The following SOHLH1 variants were observed in gnomAD, a reference collection of about 807,000 sequenced individuals.
SOHLH1 encodes spermatogenesis- and oogenesis-specific basic helix-loop-helix-containing protein 1.
Under a neutral mutation model 36.2 loss-of-function variants are expected in SOHLH1, and 23 were observed. The observed-to-expected ratio is 0.64, with a 90% CI of 0.46 to 0.90. The LOEUF is 0.90. SOHLH1 is among the 40% of genes least tolerant of loss of function. The pLI is 0.00. For missense variants in SOHLH1, 608 were observed against 517.0 expected (o/e 1.18, Z -1.71); for synonymous variants, 289 against 228.3 (o/e 1.27, Z -2.40).
rs1036970694 is a variant in SOHLH1 at position 135,695,201 on chromosome 9, G to A, written c.724C>T (p.Leu242=). Residue 242 remains leucine, a synonymous_variant, in exon 6 of 8, where the codon CTG becomes TTG. Coordinates refer to ENST00000425225, the MANE Select transcript of SOHLH1 (RefSeq NM_001101677.2). ...RSLPKAVRPP[L]SWPPFSQQQT... is the part of the protein sequence containing the mutation. ...TGCTGCGAGAACGGAGGCCAGGACA[G>A]GGGTGGCCTCACAGCCTTAGGAAGA... 5 of 1,605,244 alleles carry A rather than the reference G, an allele frequency of 3.1e-6. No individual in the cohort carries two copies. Among genetic ancestry groups the A allele is most frequent in the African/African-American group, 2.7e-5 (2 of 74,896 alleles).
At chr9:135,693,894 G>A in intron 7 of SOHLH1, 80 bp from the exon 8 acceptor site, 16 of 1,492,970 alleles carry the variant, frequency 1.1e-5, no homozygotes, top group Non-Finnish European at 1.3e-5. Context: ...CGGAGGAACA[G>A]AGCTCCCACC....
upstream of SOHLH1, among the ~76,000 whole-genome samples, chr9:135,701,165 C>T (rs1424057456): frequency 6.6e-6 from 1 of 152,326 alleles, no homozygotes; most frequent in Non-Finnish European, 1.5e-5. Context: ...AGCTGTGTGG[C>T]GGGGGCACAG....
upstream of SOHLH1, among the ~76,000 whole-genome samples, chr9:135,700,189 G>A (rs1834982955): frequency 6.6e-6 from 1 of 152,140 alleles, no homozygotes; most frequent in Non-Finnish European, 1.5e-5. Flanking sequence ...ATGCCCTGGG[G>A]CCCCAGCTCG....
rs1325354468 is a variant in SOHLH1, at chr9:135,695,220, A to G, written c.705T>C (p.Pro235=). ...AGGACAGGGGTGGCCTCACAGCCTT[A>G]GGAAGACTCCGGCCTGGGGGCCACG... ...LVPWPPGRSL[P]KAVRPPLSWP... Residue 235 remains proline (P), a synonymous_variant, in exon 6 of 8, where the codon CCT becomes CCC. Transcript: ENST00000425225. 1 of 1,605,264 alleles carries G rather than the reference A, an allele frequency of 6.2e-7. No homozygotes were observed. The highest frequency in any genetic ancestry group is 1.7e-5 in the Admixed American group (1 of 58,806).
chr9:135,694,589 C>T (rs1588229489), intron 6 of SOHLH1, 132 bp from the exon 7 acceptor site: 1 of 1,310,848 alleles, frequency 7.6e-7, no homozygotes, highest in Non-Finnish European at 1.1e-6. Flanking sequence ...TGACAGGCTC[C>T]ACCCTGCCCA....
At position 135,696,622 on chromosome 9, in the gene SOHLH1, G is replaced by A. The variant is rs758671144; in HGVS notation, c.651C>T (p.Pro217=). The A allele has an allele frequency of 4.3e-6, 7 of 1,612,222 alleles. No individual in the cohort carries two copies. The highest frequency in any genetic ancestry group is 5.9e-6 in the Non-Finnish European group (7 of 1,179,708). Residue 217 remains proline, a synonymous_variant, in exon 5 of 8, where the codon CCC becomes CCT. Transcript: ENST00000425225. ...ACACCCAGGACTCACCTGAGAAAGG[G>A]GGCAGCCCACCCCGCACCTGGCACA... ...LGLCQVRGGL[P]PFSEPSSLVP...
In SOHLH1 at chr9:135,698,977, G is replaced by C; in HGVS notation, c.197+18C>G. 3 of 1,611,268 alleles carry C rather than the reference G, an allele frequency of 1.9e-6. No individual in the cohort carries two copies. The highest frequency in any genetic ancestry group is 2.5e-6 in the Non-Finnish European group (3 of 1,179,738). On this transcript the variant is annotated intron_variant, in intron 2 of 7. Coordinates refer to ENST00000425225, the MANE Select transcript of SOHLH1 (RefSeq NM_001101677.2). The stretch of plus-strand genomic sequence containing the variant: ...CCCCTTTACAGCGCCCTCACCCCTG[G>C]GAGGCACCACCACTCACCTGCGCTC...
At chr9:135,696,471 A>G (rs1397467752) in intron 5 of SOHLH1, 141 bp downstream of exon 5, 2 of 951,690 alleles carry the variant, frequency 2.1e-6, no homozygotes, top group East Asian at 5.3e-5. Context: ...ATCCCTCAAC[A>G]CGTGGGTTTC....
At chr9:135,699,494 C>T (rs375000520), upstream of SOHLH1, 9 of 1,606,606 alleles carry the variant, frequency 5.6e-6, no homozygotes, top group East Asian at 2.2e-5. Flanking sequence ...AGCGACCCCA[C>T]GCGCACGGCC....
At chr9:135,694,758 A>G (rs1230899994) in intron 6 of SOHLH1, among the ~76,000 whole-genome samples, 1 of 33,384 alleles carries the variant, frequency 3.0e-5, no homozygotes, top group Non-Finnish European at 6.0e-5. Context: ...CCCACACCCC[A>G]GCTGGTATGT....
chr9:135,694,057 C>G, intron 7 of SOHLH1: 1 of 1,426,472 alleles, frequency 7.0e-7, no homozygotes, highest in Non-Finnish European at 9.1e-7. Flanking sequence ...GGACACACGC[C>G]ATGTCACAGG....
rs1834683985 is a variant in SOHLH1, at chr9:135,693,783, A to G, written c.978T>C (p.Pro326=). The G allele has an allele frequency of 2.5e-6, 4 of 1,580,640 alleles. No individual in the cohort carries two copies. The highest frequency in any genetic ancestry group is 3.4e-6 in the Non-Finnish European group (4 of 1,163,776). The change falls in exon 8 of 8, where the codon CCT becomes CCC. Residue 326 remains proline, a synonymous_variant. Transcript: ENST00000425225. ...GSLEGRGGSG[P]AWAPAESSPL... is the part of the protein sequence containing the mutation. ...GACTGCTCTCAGCTGGGGCCCATGC[A>G]GGGCCACTGCCTCCTCGACCCTCCA...
At position 135,694,292 on chromosome 9, in the gene SOHLH1, GC is replaced by G. The variant is rs1834703088; in HGVS notation, c.946+94del. 9.4e-6 allele frequency: 15 copies of G among 1,592,764 alleles called. No individual in the cohort carries two copies. In the East Asian group the frequency reaches 2.0e-4, roughly 22 times the overall value. ...CGGGGGCTCAGACACAGACCCTGGGGCCCCCTGACACACGCTAGGCCTGAGT... is the reference window on the plus strand; with the variant it reads ...CGGGGGCTCAGACACAGACCCTGGGGCCCCTGACACACGCTAGGCCTGAGT... On this transcript the variant is annotated intron_variant, in intron 7 of 7. Coordinates refer to ENST00000425225, the MANE Select transcript of SOHLH1 (RefSeq NM_001101677.2).
At chr9:135,699,648 C>T, upstream of SOHLH1, 3 of 669,964 alleles carry the variant, frequency 4.5e-6, no homozygotes, top group Non-Finnish European at 8.0e-6. Flanking sequence ...CCGGGGCCCA[C>T]GTGACCCGCG....
In SOHLH1 at chr9:135,693,767, C is replaced by T; in HGVS notation, c.994G>A (p.Glu332Lys). The T allele has an allele frequency of 6.3e-7, 1 of 1,581,630 alleles. No individual in the cohort carries two copies. Residue 332 changes from glutamate (E) to lysine (K), a missense_variant, in exon 8 of 8, where the codon GAG (glutamate) becomes AAG (lysine). By Grantham distance (56) the Glu-to-Lys change is moderately conservative (BLOSUM62 1). Coordinates refer to ENST00000425225, the MANE Select transcript of SOHLH1 (RefSeq NM_001101677.2). ...GGSGPAWAPA[E>K]SSPLDVGEPG... ...TCTCCAACATCCAGTGGACTGCTCT[C>T]AGCTGGGGCCCATGCAGGGCCACTG...
intron 3 of SOHLH1, among the ~76,000 whole-genome samples, chr9:135,698,127 C>CT (rs756459073): frequency 7.2e-4 from 110 of 152,170 alleles, no homozygotes; most frequent in Non-Finnish European, 1.5e-3. Flanking sequence ...GGAAGGCTTG[C>CT]TCCTTTCCAG....
chr9:135,700,781 T>C (rs990452743), upstream of SOHLH1, among the ~76,000 whole-genome samples: 3 of 151,938 alleles, frequency 2.0e-5, no homozygotes, highest in African/African-American at 7.3e-5. Flanking sequence ...GAGGACGGGG[T>C]TGGAGAGGAG....
At chr9:135,698,586 G>GT in intron 2 of SOHLH1, 110 bp from the exon 3 acceptor site, 1 of 1,493,564 alleles carries the variant, frequency 6.7e-7, no homozygotes, top group African/African-American at 1.4e-5. Context: ...CAGGCAGAGG[G>GT]GGCTACAAGA....
upstream of SOHLH1, chr9:135,699,576 C>T: frequency 8.3e-7 from 1 of 1,209,804 alleles, no homozygotes; most frequent in Admixed American, 2.0e-5. Flanking sequence ...CTAGCCCACC[C>T]CACCCCCACT....
Sources: gnomAD v4.1 joint callset for allele counts (sites outside exome capture counted in the v4.1 genomes callset) on GRCh38, gnomAD v4.1.1 for gene constraint, MANE v1.5 for transcripts, NCBI Gene and HGNC (gene_info 2026-07-23, HGNC 2026-07-21) for gene names.